Variants in ZNF573 observed in about 807,000 individuals in gnomAD.
ZNF573 encodes zinc finger protein 573.
A neutral mutation model predicts 57.4 loss-of-function variants in ZNF573; 41 were observed. The observed-to-expected ratio is 0.71, with a 90% CI of 0.56 to 0.93. The LOEUF is 0.93. Ranked by LOEUF, ZNF573 falls within the 40% of genes least tolerant of loss-of-function variation. ZNF573 has a pLI of 0.00. For missense variants in ZNF573, 730 were observed against 794.8 expected (o/e 0.92, Z 0.98); for synonymous variants, 249 against 261.0 (o/e 0.95, Z 0.44).
At chr19:37,749,697 T>A (rs1319297618) in intron 4 of ZNF573, among the ~76,000 whole-genome samples, 2 of 152,264 alleles carry the variant, frequency 1.3e-5, no homozygotes, top group Non-Finnish European at 2.9e-5. Context: ...TTCAAACTAA[T>A]GTTACTGATG....
At chr19:37,741,960 A>T (rs1184424170) in intron 4 of ZNF573, among the ~76,000 whole-genome samples, 1 of 152,218 alleles carries the variant, frequency 6.6e-6, no homozygotes, top group Non-Finnish European at 1.5e-5. Flanking sequence ...TTAAACTGAT[A>T]AGCAACTTCA....
At chr19:37,764,566 G>T (rs570570336) in intron 4 of ZNF573, among the ~76,000 whole-genome samples, 1 of 150,406 alleles carries the variant, frequency 6.6e-6, no homozygotes, top group Non-Finnish European at 1.5e-5. Context: ...TGATCTGCCC[G>T]CCTTGGCCTC....
Position 37,739,103 on chromosome 19 carries a change from T to C in ZNF573, c.1387A>G (p.Ile463Val), listed in dbSNP as rs1481210232. 1 of 1,613,706 alleles carries C rather than the reference T, an allele frequency of 6.2e-7. No homozygotes were observed. Reference sequence around the variant, plus strand: ...TCAAAAAGTTTCTTACCAGTGTGAATATTCTGATGTCGAGTAAGATTTCTA... The same window carrying C: ...TCAAAAAGTTTCTTACCAGTGTGAACATTCTGATGTCGAGTAAGATTTCTA... ...LYRNLTRHQN[I>V]HTGKKLFECQ... Residue 463 changes from isoleucine to valine, a missense_variant, in exon 5 of 5, where the codon ATT becomes GTT. Ile to Val is a conservative substitution (Grantham distance 29, BLOSUM62 3). Transcript: ENST00000536220.
intron 4 of ZNF573, chr19:37,740,684 C>CTCTA: frequency 2.3e-6 from 1 of 443,938 alleles, no homozygotes; most frequent in Non-Finnish European, 4.5e-6. Context: ...GCTTCCTATT[C>CTCTA]TCTATCATAG....
rs1369218310 is a variant in ZNF573 at position 37,771,603 on chromosome 19, C to T, written c.163G>A (p.Asp55Asn). 3.1e-6 allele frequency: 5 copies of T among 1,608,052 alleles called. No individual in the cohort carries two copies. Among genetic ancestry groups the T allele is most frequent in the East Asian group, 2.3e-5 (1 of 43,922 alleles). Residue 55 changes from aspartate to asparagine, a missense_variant, in exon 3 of 5, where the codon GAT (aspartate) becomes AAT (asparagine). Asp to Asn is a conservative substitution (Grantham distance 23, BLOSUM62 1). Coordinates refer to ENST00000536220, the MANE Select transcript of ZNF573 (RefSeq NM_001172690.2). ...LDPNQRDLYR[D>N]VMLENYRNLV... The stretch of plus-strand genomic sequence containing the variant: ...TTTCTATAGTTCTCCAACATCACAT[C>T]CCTGTATAAGTCCCTCTGATTAGGG...
chr19:37,778,420 T>C (rs1223833662), intron 1 of ZNF573: 1 of 142,972 alleles, frequency 7.0e-6, no homozygotes, highest in African/African-American at 2.5e-5. Context: ...CAGGCTGGTC[T>C]CGAACTCCTG....
intron 4 of ZNF573, among the ~76,000 whole-genome samples, chr19:37,760,505 G>C (rs895905094): frequency 6.6e-6 from 1 of 152,146 alleles, no homozygotes; most frequent in Non-Finnish European, 1.5e-5. Flanking sequence ...AGAGGAAAAA[G>C]GGAGTATTCC....
chr19:37,740,283 A>ATT, intron 4 of ZNF573, 89 bp from the exon 5 acceptor site: 1 of 1,176,676 alleles, frequency 8.5e-7, no homozygotes, highest in Non-Finnish European at 1.2e-6. Flanking sequence ...CAACATTCAT[A>ATT]ATAAGTGAAT....
chr19:37,744,106 G>GC (rs1555739653), intron 4 of ZNF573, among the ~76,000 whole-genome samples: 1 of 142,558 alleles, frequency 7.0e-6, no homozygotes, highest in Non-Finnish European at 1.5e-5. Flanking sequence ...CATGTATCCT[G>GC]TTTTTTTTTT....
chr19:37,769,797 A>G (rs1194181177), intron 4 of ZNF573, among the ~76,000 whole-genome samples: 1 of 152,040 alleles, frequency 6.6e-6, no homozygotes, highest in African/African-American at 2.4e-5. Flanking sequence ...TTTGAAATAT[A>G]AAAGAAATAA....
At chr19:37,754,800 A>C (rs1464940580) in intron 4 of ZNF573, among the ~76,000 whole-genome samples, 3 of 152,088 alleles carry the variant, frequency 2.0e-5, no homozygotes, top group Non-Finnish European at 2.9e-5. Context: ...ATGGCACTCC[A>C]TAATATTAAA....
At chr19:37,745,552 C>T (rs1242739315) in intron 4 of ZNF573, among the ~76,000 whole-genome samples, 9 of 152,156 alleles carry the variant, frequency 5.9e-5, no homozygotes, top group South Asian at 4.2e-4. Flanking sequence ...CTTGCCACTA[C>T]GCCCAGCTAA....
chr19:37,769,494 G>T (rs1389383003), intron 4 of ZNF573, among the ~76,000 whole-genome samples: 1 of 141,578 alleles, frequency 7.1e-6, no homozygotes, highest in Admixed American at 7.5e-5. Flanking sequence ...TTGGGAGGCT[G>T]AGGCAGGCAG....
chr19:37,775,981 T>G (rs192360994), intron 1 of ZNF573, among the ~76,000 whole-genome samples: 3 of 151,976 alleles, frequency 2.0e-5, no homozygotes, highest in Admixed American at 2.0e-4. Flanking sequence ...AAGGAAATCA[T>G]AGATGACACA....
intron 4 of ZNF573, among the ~76,000 whole-genome samples, chr19:37,748,479 C>CT (rs1281233871): frequency 6.7e-6 from 1 of 150,118 alleles, no homozygotes; most frequent in South Asian, 2.1e-4. Context: ...CGCACTACTT[C>CT]TGCAATATTC....
intron 4 of ZNF573, among the ~76,000 whole-genome samples, chr19:37,767,065 T>C (rs145189644): frequency 6.6e-6 from 1 of 152,238 alleles, no homozygotes; most frequent in East Asian, 1.9e-4. Context: ...AGTAACAACG[T>C]TATGTTAAAG....
chr19:37,764,302 T>G (rs1055118227), intron 4 of ZNF573, among the ~76,000 whole-genome samples: 81 of 148,654 alleles, frequency 5.4e-4, no homozygotes, highest in Middle Eastern at 3.5e-3. Context: ...ATACTTAGAG[T>G]TTTTTTTTGT....
Position 37,770,106 on chromosome 19 carries a change from A to G in ZNF573, c.203-9T>C. ...AGAAATGGAATGTCCTCCTTATAAG[A>G]AAAGAAATGCCACATGGTATAAAAA... On this transcript the variant is annotated splice_polypyrimidine_tract_variant and intron_variant, in intron 3 of 4. Transcript: ENST00000536220. The G allele has an allele frequency of 1.3e-6, 2 of 1,534,160 alleles. No individual in the cohort carries two copies. The highest frequency in any genetic ancestry group is 1.8e-6 in the Non-Finnish European group (2 of 1,138,832).
At position 37,770,009 on chromosome 19, in the gene ZNF573, G is replaced by A. The variant is rs1357266927; in HGVS notation, c.291C>T (p.Phe97=). ...GGTGTCCCCTGCCTTCCTTACCTGT[G>A]AACTGTGTTTCTTCCCTCAAAATCA... ...PWMILREETQ[F]TDLDLQCEII... Residue 97 remains phenylalanine (F), a synonymous_variant, in exon 4 of 5, where the codon TTC becomes TTT. Transcript: ENST00000536220. 6.4e-7 allele frequency: 1 copy of A among 1,551,500 alleles called. No individual in the cohort carries two copies. Among genetic ancestry groups the A allele is most frequent in the Non-Finnish European group, 8.7e-7 (1 of 1,146,946 alleles).
Sources: gnomAD v4.1 joint callset for allele counts (sites outside exome capture counted in the v4.1 genomes callset) on GRCh38, gnomAD v4.1.1 for gene constraint, MANE v1.5 for transcripts, NCBI Gene and HGNC (gene_info 2026-07-23, HGNC 2026-07-21) for gene names.